SLC9A1: variants seen among roughly 807,000 people sequenced by gnomAD.
The protein encoded by SLC9A1 is solute carrier family 9 member A1.
A neutral mutation model predicts 67.9 loss-of-function variants in SLC9A1; 22 were observed. The ratio of observed to expected loss-of-function variants is 0.32; its 90% CI spans 0.23 to 0.46. The LOEUF (loss-of-function observed/expected upper bound fraction) is 0.46, where lower values mean the gene tolerates loss of function less well. Ranked by LOEUF, SLC9A1 falls within the 20% of genes least tolerant of loss-of-function variation. The probability of loss-of-function intolerance (pLI) is 1.00; values close to 1 mark genes in which losing one functional copy is unlikely to be tolerated. For synonymous variants in SLC9A1, 421 were observed against 471.8 expected, an observed-to-expected ratio of 0.89 and a Z score of 1.40; for missense variants, 686 against 1,094.8, an observed-to-expected ratio of 0.63 and a Z score of 5.27.
At chr1:27,122,763 AT>A in intron 1 of SLC9A1, among the ~76,000 whole-genome samples, 1 of 152,342 alleles carries the variant, frequency 6.6e-6, no homozygotes, top group African/African-American at 2.4e-5. Context: ...CATTTGTTGA[AT>A]AAATTTCACT....
chr1:27,153,013 T>A (rs1323327212), intron 1 of SLC9A1, among the ~76,000 whole-genome samples: 2 of 152,212 alleles, frequency 1.3e-5, no homozygotes, highest in Non-Finnish European at 2.9e-5. Context: ...CTGGGCAATG[T>A]AGGCTCCAGT....
At chr1:27,127,522 G>A (rs1005072428) in intron 1 of SLC9A1, among the ~76,000 whole-genome samples, 2 of 152,138 alleles carry the variant, frequency 1.3e-5, no homozygotes, top group African/African-American at 4.8e-5. Context: ...CCAATCCAGC[G>A]CTCAGCCAAG....
At position 27,100,790 on chromosome 1, in the gene SLC9A1, G is replaced by A. The variant is rs1256772306; in HGVS notation, c.2111-146C>T. ...ACAGGCCTCAGAAGCAGGCCTCTGC[G>A]ACCTTCCACCCCACAGCTTCTCTTC... On this transcript the variant is annotated intron_variant, in intron 11 of 11. Coordinates refer to ENST00000263980, the MANE Select transcript of SLC9A1 (RefSeq NM_003047.5). This position sits in a 1 kb window ranked among gnomAD's most constrained non-coding sequence, Gnocchi z 5.6. 15 of 668,314 alleles carry A rather than the reference G, an allele frequency of 2.2e-5. No homozygotes were observed. The highest frequency in any genetic ancestry group is 1.1e-4 in the South Asian group (6 of 55,144). The allele number at this position is 668,314 out of a possible 1,614,324, so 41.4% of individuals were successfully genotyped here. A position where few individuals can be genotyped will look rare whatever the true frequency, so the allele number is the denominator to read the frequency against.
chr1:27,116,384 TG>T (rs913047603), intron 1 of SLC9A1, among the ~76,000 whole-genome samples: 1 of 151,086 alleles, frequency 6.6e-6, no homozygotes, highest in African/African-American at 2.4e-5. Flanking sequence ...GACTCCATCT[TG>T]AAAAAAAAAA....
At chr1:27,138,366 C>G (rs2083432855) in intron 1 of SLC9A1, among the ~76,000 whole-genome samples, 1 of 152,236 alleles carries the variant, frequency 6.6e-6, no homozygotes, top group African/African-American at 2.4e-5. Context: ...CCCACCTCTC[C>G]CTCATGTCTG....
chr1:27,104,474 A>G (rs767797068), intron 5 of SLC9A1, among the ~76,000 whole-genome samples: 31 of 152,162 alleles, frequency 2.0e-4, no homozygotes, highest in African/African-American at 5.3e-4. Context: ...AGCTGCCTCA[A>G]TCTCCTGGGC....
chr1:27,111,154 C>T (rs542639575), intron 2 of SLC9A1, among the ~76,000 whole-genome samples: 1 of 152,110 alleles, frequency 6.6e-6, no homozygotes, highest in Non-Finnish European at 1.5e-5. Context: ...GGGGATAGGA[C>T]AGGGCTCCAG....
rs753036842 is a variant in SLC9A1 at position 27,101,832 on chromosome 1, G to A, written c.1936-6C>T. On this transcript the variant is annotated splice_polypyrimidine_tract_variant and splice_region_variant and intron_variant, in intron 9 of 11. Coordinates refer to ENST00000263980, the MANE Select transcript of SLC9A1 (RefSeq NM_003047.5). The surrounding 1 kb of genome is among the most constrained non-coding windows in gnomAD (Gnocchi z 4.9). The stretch of plus-strand genomic sequence containing the variant: ...TGTCTGTTGTAGGACCGCAGCTGTG[G>A]GAGGGACAGCGTCAGGGCAGTGCGG... 1 of 1,605,226 alleles carries A rather than the reference G, an allele frequency of 6.2e-7. No homozygotes were observed. Among genetic ancestry groups the A allele is most frequent in the Admixed American group, 1.7e-5 (1 of 59,960 alleles).
chr1:27,151,703 ATGC>A (rs2083529451), intron 1 of SLC9A1, among the ~76,000 whole-genome samples: 1 of 152,160 alleles, frequency 6.6e-6, no homozygotes, highest in South Asian at 2.1e-4. Context: ...AGGCTCAGAG[ATGC>A]TGCTAAGTGG....
At chr1:27,117,800 T>G (rs1223570205) in intron 1 of SLC9A1, among the ~76,000 whole-genome samples, 1 of 152,212 alleles carries the variant, frequency 6.6e-6, no homozygotes, top group African/African-American at 2.4e-5. Context: ...CTATTCTAGC[T>G]TAGGTGTCTC....
rs145675505 is a variant in SLC9A1 at position 27,114,012 on chromosome 1, G to A, written c.627C>T (p.Tyr209=). The part of the protein sequence containing the change: ...WNAFFLGGLM[Y]AVCLVGGEQI... The stretch of plus-strand genomic sequence containing the variant: ...GCTCACCGCCCACCAGGCACACGGC[G>A]TACATGAGGCCGCCCAGGAAGAAGG... The change falls in exon 2 of 12, where the codon TAC becomes TAT. Residue 209 remains tyrosine, a synonymous_variant. Transcript: ENST00000263980. This position sits in a 1 kb window ranked among gnomAD's most constrained non-coding sequence, Gnocchi z 5.4. 9.1e-5 allele frequency: 147 copies of A among 1,614,152 alleles called. No homozygotes were observed. In the African/African-American group the frequency reaches 1.4e-3, roughly 16 times the overall value.
Position 27,102,342 on chromosome 1 carries a change from C to T in SLC9A1, c.1820+43G>A, listed in dbSNP as rs200221728. On this transcript the variant is annotated intron_variant, in intron 8 of 11. Coordinates refer to ENST00000263980, the MANE Select transcript of SLC9A1 (RefSeq NM_003047.5). ...CCACCTCCAACCGGGCTTGAGGGGC[C>T]GGTGTGTGGGAGCAGAAGCTGCCTG... 5.3e-5 allele frequency: 82 copies of T among 1,554,626 alleles called. No individual in the cohort carries two copies. The Admixed American group carries it at 5.7e-4, about 11-fold the overall frequency.
chr1:27,104,183 G>C (rs1421852130), intron 5 of SLC9A1, among the ~76,000 whole-genome samples: 1 of 149,720 alleles, frequency 6.7e-6, no homozygotes, highest in Non-Finnish European at 1.5e-5. Context: ...CCGGGTTCAA[G>C]TGATTCTCCT....
intron 5 of SLC9A1, among the ~76,000 whole-genome samples, chr1:27,104,238 C>T (rs553612282): frequency 3.3e-5 from 5 of 152,160 alleles, no homozygotes; most frequent in South Asian, 4.2e-4. Context: ...GCTGCCACCA[C>T]GCCCAGCTAA....
intron 2 of SLC9A1, among the ~76,000 whole-genome samples, chr1:27,112,770 G>C (rs1035844150): frequency 6.6e-6 from 1 of 151,858 alleles, no homozygotes; most frequent in African/African-American, 2.4e-5. Flanking sequence ...TGTAATCCCA[G>C]CTACTTGGGA....
chr1:27,100,446 G>A lies in SLC9A1; in HGVS notation c.2309C>T (p.Ser770Leu), dbSNP rs372651626. 1.4e-4 allele frequency: 222 copies of A among 1,613,668 alleles called. No individual in the cohort carries two copies. The highest frequency in any genetic ancestry group is 1.8e-4 in the Non-Finnish European group (212 of 1,179,782). ...GGIMMRSKETSSPGTDDVFTP... is the reference protein window; with the variant it reads ...GGIMMRSKETLSPGTDDVFTP... ...GAAGACATCGTCGGTTCCTGGGGAC[G>A]AAGTCTCCTTGCTCCGCATCATGAT... Residue 770 changes from serine to leucine, a missense_variant, in exon 12 of 12, where the codon TCG becomes TTG. Around this residue, in one of 7 missense-constraint regions of SLC9A1, gnomAD observed 226 missense variants for 282.4 expected, o/e 0.80. Transcript: ENST00000263980. The surrounding 1 kb of genome is among the most constrained non-coding windows in gnomAD (Gnocchi z 5.6).
intron 1 of SLC9A1, among the ~76,000 whole-genome samples, chr1:27,147,764 G>A (rs971814907): frequency 1.3e-5 from 2 of 152,218 alleles, no homozygotes; most frequent in African/African-American, 4.8e-5. Flanking sequence ...GGAGGCCAAG[G>A]TGGGAGGATC....
In SLC9A1 at chr1:27,103,251, C is replaced by T. The variant is rs747966843; in HGVS notation, c.1547G>A (p.Arg516His). 6.2e-6 allele frequency: 10 copies of T among 1,610,804 alleles called. No individual in the cohort carries two copies. The highest frequency in any genetic ancestry group is 1.6e-4 in the Middle Eastern group (1 of 6,066). Residue 516 changes from arginine (R) to histidine (H), a missense_variant, in exon 6 of 12, where the codon CGC becomes CAC. By Grantham distance (29) the Arg-to-His change is conservative (BLOSUM62 0). Transcript: ENST00000263980. ...TGTGTGGATCTCTTCGTTGATGGAG[C>T]GCTTCGTCTCTTGCTTTTTCTTCAC... is the stretch of plus-strand genomic sequence containing the variant. ...LAVKKKQETK[R>H]SINEEIHTQF...
In SLC9A1 at chr1:27,137,954, G is replaced by A. The variant is rs972603998; in HGVS notation, c.352+16029C>T. Among the ~76,000 whole-genome samples the A allele has an allele frequency of 1.3e-5, 2 of 152,238 alleles. No individual in the cohort carries two copies. Among genetic ancestry groups the A allele is most frequent in the African/African-American group, 4.8e-5 (2 of 41,466 alleles). On this transcript the variant is annotated intron_variant, in intron 1 of 11. Coordinates refer to ENST00000263980, the MANE Select transcript of SLC9A1 (RefSeq NM_003047.5). This position sits in a 1 kb window ranked among gnomAD's most constrained non-coding sequence, Gnocchi z 4.6. ...TCCCACTGCTGGCTTGGCCAGTGGT[G>A]CCTGTCGGGAAGCTTTACTCTGTTG... is the stretch of plus-strand genomic sequence containing the variant.
Sources: gnomAD v4.1 joint callset for allele counts (sites outside exome capture counted in the v4.1 genomes callset) on GRCh38, gnomAD v4.1.1 for gene constraint, gnomAD v4.1.1 regional missense constraint, Gnocchi (gnomAD v3.1) non-coding constraint, MANE v1.5 for transcripts, NCBI Gene and HGNC (gene_info 2026-07-23, HGNC 2026-07-21) for gene names.